The following BBS9 variants were observed in gnomAD, a reference collection of about 807,000 sequenced individuals.
BBS9 encodes Bardet-Biedl syndrome 9.
Under a neutral mutation model 117.7 loss-of-function variants are expected in BBS9, and 89 were observed. That is an observed-to-expected ratio of 0.76 (90% confidence interval 0.64 to 0.90). The LOEUF (loss-of-function observed/expected upper bound fraction) is 0.90, where lower values mean the gene tolerates loss of function less well. Among genes scored for constraint, BBS9 ranks in the 40% least tolerant of loss-of-function variants. The pLI, the probability that BBS9 is intolerant of heterozygous loss-of-function variation, is 0.00. For synonymous variants in BBS9, 379 were observed against 370.9 expected (o/e 1.02, Z -0.25); for missense variants, 982 against 1,042.2 (o/e 0.94, Z 0.80).
chr7:33,590,466 T>TGTTTTTGTTTTTG (rs60557617), intron 21 of BBS9, among the ~76,000 whole-genome samples: 50 of 139,510 alleles, frequency 3.6e-4, no homozygotes, highest in Admixed American at 1.8e-3. Context: ...TTTGTTTTTT[T>TGTTTTTGTTTTTG]TTTTTTTTTT....
chr7:33,228,036 C>T (rs1791629309), intron 5 of BBS9, among the ~76,000 whole-genome samples: 1 of 152,094 alleles, frequency 6.6e-6, no homozygotes, highest in South Asian at 2.1e-4. Context: ...ACTTTTAGTT[C>T]TTTAAAGAAT....
At chr7:33,439,939 A>G (rs1835913404) in intron 19 of BBS9, among the ~76,000 whole-genome samples, 1 of 152,236 alleles carries the variant, frequency 6.6e-6, no homozygotes. Context: ...AGGCAAGGCA[A>G]GTGAGTCAAC....
intron 16 of BBS9, among the ~76,000 whole-genome samples, chr7:33,364,745 C>T (rs1480777163): frequency 7.0e-6 from 1 of 143,364 alleles, no homozygotes; most frequent in Non-Finnish European, 1.5e-5. Flanking sequence ...ACCTCCCCTC[C>T]TCTCTCAGGG....
In BBS9 at chr7:33,167,478, T is replaced by C. The variant is rs541876417; in HGVS notation, c.329-10000T>C. Among the ~76,000 whole-genome samples the C allele has an allele frequency of 2.6e-5, 4 of 151,116 alleles. No homozygotes were observed. In the South Asian group the frequency reaches 8.5e-4, roughly 32 times the overall value. ...AGTGCAGTGGTACAATCTCAGCTCA[T>C]TGCAACCTCTGCCTCCCGGGTTCAA... On this transcript the variant is annotated intron_variant, in intron 4 of 22. Transcript: ENST00000242067.
chr7:33,528,568 G>C (rs77601275), intron 20 of BBS9, among the ~76,000 whole-genome samples: 1 of 152,050 alleles, frequency 6.6e-6, no homozygotes, highest in South Asian at 2.1e-4. Context: ...TCTATTTTCT[G>C]ATTTTAAAAA....
chr7:33,202,435 A>G (rs1786045569), intron 5 of BBS9, among the ~76,000 whole-genome samples: 3 of 152,168 alleles, frequency 2.0e-5, no homozygotes, highest in Admixed American at 2.0e-4. Context: ...GCCATTTACT[A>G]TTATACATGT....
intron 18 of BBS9, among the ~76,000 whole-genome samples, chr7:33,384,296 G>A (rs1033983448): frequency 6.6e-6 from 1 of 152,176 alleles, no homozygotes; most frequent in East Asian, 1.9e-4. Context: ...CCAGTATCTG[G>A]CACAGTGGGT....
intron 21 of BBS9, among the ~76,000 whole-genome samples, chr7:33,573,526 T>C (rs1858202046): frequency 6.6e-6 from 1 of 152,156 alleles, no homozygotes; most frequent in Non-Finnish European, 1.5e-5. Context: ...CTCCAATTTA[T>C]GGATATACCA....
chr7:33,528,333 T>C (rs1248505576), intron 20 of BBS9, among the ~76,000 whole-genome samples: 3 of 152,084 alleles, frequency 2.0e-5, no homozygotes, highest in Non-Finnish European at 4.4e-5. Flanking sequence ...CGTGGTTTTT[T>C]GTTTGTTTGT....
intron 10 of BBS9, among the ~76,000 whole-genome samples, chr7:33,338,566 T>C (rs1347558216): frequency 6.6e-6 from 1 of 152,174 alleles, no homozygotes; most frequent in Non-Finnish European, 1.5e-5. Flanking sequence ...TTAAAGCCAG[T>C]TTAAAGAGTA....
At chr7:33,141,963 T>A (rs149954141) in intron 1 of BBS9, among the ~76,000 whole-genome samples, 194 of 151,326 alleles carry the variant, frequency 1.3e-3, no homozygotes, top group African/African-American at 4.4e-3. Context: ...CGAGATGGAG[T>A]CTCGCTCTTT....
At position 33,560,724 on chromosome 7, in the gene BBS9, C is replaced by A. The variant is rs191433918; in HGVS notation, c.2521+26548C>A. Among the ~76,000 whole-genome samples the A allele has an allele frequency of 7.9e-5, 12 of 152,230 alleles. No homozygotes were observed. In the East Asian group the frequency reaches 2.3e-3, roughly 29 times the overall value. ...CAGGCCCTTCTGCATGTAAAACCAC[C>A]CCAGAAAGATAGATGTTTATTCTTA... is the stretch of plus-strand genomic sequence containing the variant. On this transcript the variant is annotated intron_variant, in intron 21 of 22. Transcript: ENST00000242067.
intron 19 of BBS9, among the ~76,000 whole-genome samples, chr7:33,434,906 G>T (rs1051263007): frequency 6.6e-6 from 1 of 152,048 alleles, no homozygotes; most frequent in Non-Finnish European, 1.5e-5. Context: ...TGCAGAAAGT[G>T]CTAAGTTCAA....
Position 33,177,595 on chromosome 7 carries a change from A to G in BBS9, c.442+4A>G, listed in dbSNP as rs1246768256. On this transcript the variant is annotated splice_donor_region_variant and intron_variant, in intron 5 of 22. Coordinates refer to ENST00000242067, the MANE Select transcript of BBS9 (RefSeq NM_198428.3). ...GGATCATTTGGTGGTGTAAAAGGTA[A>G]TTTGCTTTTAATCATGAGTATGCTA... is the stretch of plus-strand genomic sequence containing the variant. 6.3e-7 allele frequency: 1 copy of G among 1,590,918 alleles called. No individual in the cohort carries two copies. The highest frequency in any genetic ancestry group is 8.6e-7 in the Non-Finnish European group (1 of 1,159,270).
chr7:33,576,579 A>G (rs1325853221), intron 21 of BBS9, among the ~76,000 whole-genome samples: 1 of 152,204 alleles, frequency 6.6e-6, no homozygotes, highest in African/African-American at 2.4e-5. Flanking sequence ...ATGGAACCAA[A>G]AAAGAGCCCG....
chr7:33,490,535 G>A (rs535267971), intron 19 of BBS9, among the ~76,000 whole-genome samples: 1 of 152,198 alleles, frequency 6.6e-6, no homozygotes, highest in East Asian at 1.9e-4. Context: ...TAGTCATTAA[G>A]AATTATCTCA....
chr7:33,219,254 C>G (rs1174662499), intron 5 of BBS9, among the ~76,000 whole-genome samples: 1 of 152,198 alleles, frequency 6.6e-6, no homozygotes, highest in East Asian at 1.9e-4. Flanking sequence ...GCCTGAGCCT[C>G]CCACCCCCTC....
chr7:33,148,264 G>A (rs1338346375), intron 2 of BBS9, among the ~76,000 whole-genome samples: 5 of 152,184 alleles, frequency 3.3e-5, no homozygotes, highest in African/African-American at 4.8e-5. Context: ...AAAATGCACA[G>A]GGAGAGAAGT....
chr7:33,605,291 A>G lies in BBS9; in HGVS notation c.*65A>G. On this transcript the variant is annotated 3_prime_UTR_variant, in exon 23 of 23. Coordinates refer to ENST00000242067, the MANE Select transcript of BBS9 (RefSeq NM_198428.3). ...TCAAGGCCGAACCTGTGTGAACCTC[A>G]TGCCAAGCACAGATATAGGGCTGGC... 6.6e-7 allele frequency: 1 copy of G among 1,518,538 alleles called. No homozygotes were observed. The highest frequency in any genetic ancestry group is 9.1e-7 in the Non-Finnish European group (1 of 1,093,092). 94.1% of individuals were successfully genotyped at this position (1,518,538 alleles called of 1,614,324 possible). A position where few individuals can be genotyped will look rare whatever the true frequency, so the allele number is the denominator to read the frequency against.
Sources: gnomAD v4.1 joint callset for allele counts (sites outside exome capture counted in the v4.1 genomes callset) on GRCh38, gnomAD v4.1.1 for gene constraint, MANE v1.5 for transcripts, NCBI Gene and HGNC (gene_info 2026-07-23, HGNC 2026-07-21) for gene names.